IKZF2: variants seen among roughly 807,000 people sequenced by gnomAD.
The protein encoded by IKZF2 is IKAROS family zinc finger 2.
Under a neutral mutation model 49.2 loss-of-function variants are expected in IKZF2, and 15 were observed. The ratio of observed to expected loss-of-function variants is 0.30; its 90% CI spans 0.20 to 0.47. The LOEUF (loss-of-function observed/expected upper bound fraction) is 0.47. Among genes scored for constraint, IKZF2 ranks in the 20% least tolerant of loss-of-function variants. The pLI is 1.00. For synonymous variants in IKZF2, 227 were observed against 221.4 expected, an observed-to-expected ratio of 1.03 and a Z score of -0.23; for missense variants, 567 against 664.6, an observed-to-expected ratio of 0.85 and a Z score of 1.61.
intron 6 of IKZF2, among the ~76,000 whole-genome samples, chr2:213,041,014 AG>A (rs1229271874): frequency 1.3e-5 from 2 of 152,016 alleles, no homozygotes. Flanking sequence ...GCTACTTGGG[AG>A]GCTGAGGCGG....
chr2:213,056,829 T>C lies in IKZF2; in HGVS notation c.406+4A>G. 6.2e-7 allele frequency: 1 copy of C among 1,613,714 alleles called. No homozygotes were observed. The highest frequency in any genetic ancestry group is 8.5e-7 in the Non-Finnish European group (1 of 1,179,806). On this transcript the variant is annotated splice_donor_region_variant and intron_variant, in intron 5 of 8. Transcript: ENST00000434687. ...GTCATCAGGTTATTCTTTCAGCTGC[T>C]TACCAGTGTGACTCCTTTTATGTAC...
intron 2 of IKZF2, 108 bp downstream of exon 2, chr2:213,150,036 G>A (rs1003213228): frequency 4.1e-5 from 19 of 461,726 alleles, no homozygotes; most frequent in Admixed American, 2.7e-4. Context: ...AGAAAGAAAC[G>A]TCAGGGAGAA....
At chr2:213,035,469 T>C (rs1291794326) in intron 6 of IKZF2, among the ~76,000 whole-genome samples, 1 of 152,184 alleles carries the variant, frequency 6.6e-6, no homozygotes, top group Non-Finnish European at 1.5e-5. Context: ...TCAAGCTTTT[T>C]ATTAAGATAG....
chr2:213,048,173 C>T (rs1467308080), intron 6 of IKZF2, among the ~76,000 whole-genome samples: 1 of 151,988 alleles, frequency 6.6e-6, no homozygotes, highest in East Asian at 1.9e-4. Flanking sequence ...TTGAATTACC[C>T]AATTTGAATA....
intron 2 of IKZF2, 43 bp downstream of exon 2, chr2:213,150,101 G>C (rs1476046226): frequency 2.6e-6 from 3 of 1,145,198 alleles, no homozygotes; most frequent in East Asian, 1.2e-4. Flanking sequence ...GAGAAGGAAA[G>C]AAGGAAAAAG....
intron 4 of IKZF2, among the ~76,000 whole-genome samples, chr2:213,064,534 A>G (rs13031364): frequency 0.34 from 51,467 of 151,954 alleles, 10,168 homozygotes; most frequent in Non-Finnish European, 0.45. Context: ...TTATTAGCTA[A>G]CACAGTAGCA....
chr2:213,035,045 G>T (rs1377372524), intron 6 of IKZF2, among the ~76,000 whole-genome samples: 1 of 152,128 alleles, frequency 6.6e-6, no homozygotes, highest in African/African-American at 2.4e-5. Flanking sequence ...TTCATATAAA[G>T]AATATGTATT....
Position 213,049,117 on chromosome 2 carries a change from G to C in IKZF2, c.574+596C>G, listed in dbSNP as rs560045752. On this transcript the variant is annotated intron_variant, in intron 6 of 8. Coordinates refer to ENST00000434687, the MANE Select transcript of IKZF2 (RefSeq NM_001387220.1). ...TTTTTTCTTTTATTCCCAAGAATTT[G>C]TCATATTCTACATTTTTTAAATGAT... is the stretch of plus-strand genomic sequence containing the variant. 4.0e-5 allele frequency among the ~76,000 whole-genome samples: 6 copies of C among 151,788 alleles called. No individual in the cohort carries two copies. In the South Asian group the frequency reaches 1.2e-3, roughly 32 times the overall value.
At chr2:213,022,209 T>G in intron 6 of IKZF2, 79 bp from the exon 7 acceptor site, 1 of 1,336,694 alleles carries the variant, frequency 7.5e-7, no homozygotes, top group Non-Finnish European at 1.0e-6. Flanking sequence ...CTTTTGATAG[T>G]CTGGAGGAAG....
At chr2:213,118,548 G>A (rs1260958596) in intron 4 of IKZF2, among the ~76,000 whole-genome samples, 1 of 152,224 alleles carries the variant, frequency 6.6e-6, no homozygotes, top group East Asian at 1.9e-4. Flanking sequence ...TGAAAAGGCA[G>A]TTGAAAGAAT....
chr2:213,069,494 A>T (rs1175923555), intron 4 of IKZF2, among the ~76,000 whole-genome samples: 1 of 152,096 alleles, frequency 6.6e-6, no homozygotes, highest in Non-Finnish European at 1.5e-5. Context: ...CACTCCTAGC[A>T]GGTTGCCTTT....
chr2:213,082,767 T>C (rs931460568), intron 4 of IKZF2, among the ~76,000 whole-genome samples: 1 of 152,190 alleles, frequency 6.6e-6, no homozygotes, highest in African/African-American at 2.4e-5. Context: ...TCCATACAGA[T>C]AGCAAAAAGA....
chr2:213,027,515 C>T (rs568421528), intron 6 of IKZF2, among the ~76,000 whole-genome samples: 1 of 152,270 alleles, frequency 6.6e-6, no homozygotes, highest in South Asian at 2.1e-4. Flanking sequence ...GCCAGTCTCA[C>T]TTTCCTCTTG....
chr2:213,039,583 T>C (rs1229886071), intron 6 of IKZF2, among the ~76,000 whole-genome samples: 1 of 152,068 alleles, frequency 6.6e-6, no homozygotes, highest in Admixed American at 6.5e-5. Flanking sequence ...GGAAGTAAGA[T>C]AGATACATGT....
chr2:213,033,615 C>T (rs1698705780), intron 6 of IKZF2, among the ~76,000 whole-genome samples: 1 of 152,164 alleles, frequency 6.6e-6, no homozygotes, highest in Non-Finnish European at 1.5e-5. Context: ...TGTCAATGAA[C>T]TGTAATATTT....
intron 4 of IKZF2, among the ~76,000 whole-genome samples, chr2:213,117,726 G>A (rs536712794): frequency 5.1e-4 from 77 of 152,214 alleles, no homozygotes; most frequent in Non-Finnish European, 3.2e-4. Context: ...AATGAACAGG[G>A]GAAAGTGTAT....
intron 4 of IKZF2, among the ~76,000 whole-genome samples, chr2:213,088,508 T>C (rs1158774018): frequency 3.9e-5 from 6 of 152,254 alleles, no homozygotes; most frequent in Non-Finnish European, 5.9e-5. Context: ...CCTGTAATCT[T>C]AGCAATTTGA....
intron 4 of IKZF2, among the ~76,000 whole-genome samples, chr2:213,098,157 T>C (rs1706239273): frequency 6.6e-6 from 1 of 152,108 alleles, no homozygotes; most frequent in Admixed American, 6.6e-5. Context: ...CTATTTTTAT[T>C]AAATTGGTAT....
At chr2:213,147,246 T>C (rs1328271840) in intron 4 of IKZF2, 1 of 215,472 alleles carries the variant, frequency 4.6e-6, no homozygotes, top group African/African-American at 2.3e-5. Flanking sequence ...TCACTTCCAA[T>C]GCTTTGGAGA....
Sources: allele counts gnomAD v4.1 joint callset (sites outside exome capture counted in the v4.1 genomes callset), GRCh38; gene constraint gnomAD v4.1.1; transcripts MANE v1.5; gene names NCBI Gene and HGNC (gene_info 2026-07-23, HGNC 2026-07-21).